The following TANK variants were observed in gnomAD, a reference collection of about 807,000 sequenced individuals.
TANK encodes the protein TRAF family member-associated NF-kappa-B activator.
In TANK, 15 loss-of-function variants were observed where a neutral mutation model predicts 43.6. The ratio of observed to expected loss-of-function variants is 0.34; its 90% CI spans 0.23 to 0.53. TANK has a LOEUF of 0.53. Among genes scored for constraint, TANK ranks in the 20% least tolerant of loss-of-function variants. The pLI, the probability that TANK is intolerant of heterozygous loss-of-function variation, is 0.94. For synonymous variants in TANK, 162 were observed against 178.2 expected, an observed-to-expected ratio of 0.91 and a Z score of 0.73; for missense variants, 417 against 498.6, an observed-to-expected ratio of 0.84 and a Z score of 1.56.
chr2:161,216,545 A>G (rs1286166487), intron 4 of TANK: 1 of 297,682 alleles, frequency 3.4e-6, no homozygotes, highest in Non-Finnish European at 6.7e-6. Context: ...CATGAAGAAT[A>G]TACTAGGTCT....
In TANK at chr2:161,160,544, A is replaced by C; in HGVS notation, c.-50+58A>C. 4.0e-6 allele frequency: 5 copies of C among 1,236,466 alleles called. No individual in the cohort carries two copies. The South Asian group carries it at 1.3e-4, about 33-fold the overall frequency. The allele number at this position is 1,236,466 out of a possible 1,614,324, so 76.6% of individuals were successfully genotyped here. A position where few individuals can be genotyped will look rare whatever the true frequency, so the allele number is the denominator to read the frequency against. ...GAATCCGTCAAGCACGACGTCGGAG[A>C]ATTTGTATGCGTGAGCGAGAGGGAC... On this transcript the variant is annotated intron_variant, in intron 1 of 7. Transcript: ENST00000392749.
intron 1 of TANK, chr2:161,160,852 C>T (rs1196216839): frequency 1.9e-6 from 1 of 513,680 alleles, no homozygotes. Context: ...GGAACATTCC[C>T]GACTTCCCTT....
chr2:161,163,490 C>CT (rs1558966871), intron 1 of TANK: 1 of 152,128 alleles, frequency 6.6e-6, no homozygotes, highest in Non-Finnish European at 1.5e-5. Flanking sequence ...TCTTGCTATT[C>CT]TTTCTCTTCT....
In TANK at chr2:161,202,073, A is replaced by G. The variant is rs569031108; in HGVS notation, c.100-1414A>G. Among the ~76,000 whole-genome samples the G allele has an allele frequency of 1.4e-4, 22 of 152,192 alleles. No homozygotes were observed. The East Asian group carries it at 2.5e-3, about 17-fold the overall frequency. On this transcript the variant is annotated intron_variant, in intron 2 of 7. Transcript: ENST00000392749. ...TGCCTTTAGGCAATGTGCAAAGACA[A>G]TGTACCACATGGGTTGCTTATCAGC...
intron 1 of TANK, among the ~76,000 whole-genome samples, chr2:161,144,062 T>C (rs1427582459): frequency 2.0e-5 from 3 of 152,172 alleles, no homozygotes; most frequent in Non-Finnish European, 2.9e-5. Context: ...GTCCAGGAAT[T>C]TAACCATTTC....
intron 1 of TANK, among the ~76,000 whole-genome samples, chr2:161,178,383 C>T (rs1207056318): frequency 6.6e-6 from 1 of 151,712 alleles, no homozygotes; most frequent in African/African-American, 2.4e-5. Flanking sequence ...AAATATCTTT[C>T]TGAAAGAAGC....
chr2:161,162,094 A>G (rs1328139554), intron 1 of TANK, among the ~76,000 whole-genome samples: 1 of 152,088 alleles, frequency 6.6e-6, no homozygotes, highest in Non-Finnish European at 1.5e-5. Flanking sequence ...TGTTGAAATC[A>G]TTTCTCTCCC....
At chr2:161,221,986 C>T (rs1235641372) in intron 4 of TANK, among the ~76,000 whole-genome samples, 2 of 152,154 alleles carry the variant, frequency 1.3e-5, no homozygotes, top group Non-Finnish European at 2.9e-5. Flanking sequence ...GATAAATTCA[C>T]CCACACTAGT....
chr2:161,139,353 T>G (rs1385707043), intron 1 of TANK, among the ~76,000 whole-genome samples: 1 of 152,216 alleles, frequency 6.6e-6, no homozygotes, highest in Non-Finnish European at 1.5e-5. Flanking sequence ...GCCAAGTACC[T>G]TGTTTACTAG....
intron 6 of TANK, among the ~76,000 whole-genome samples, chr2:161,227,359 T>C (rs1687684007): frequency 6.6e-6 from 1 of 152,182 alleles, no homozygotes; most frequent in Non-Finnish European, 1.5e-5. Context: ...TTCTGTCAAT[T>C]TGGGGACTTC....
At position 161,235,537 on chromosome 2, in the gene TANK, C is replaced by A; in HGVS notation, c.*19C>A. The stretch of plus-strand genomic sequence containing the variant: ...GACTTAAGACACATTTGAAAACAGA[C>A]ATATCAAGTTCTATGTGATGATTTT... On this transcript the variant is annotated 3_prime_UTR_variant, in exon 8 of 8. Transcript: ENST00000392749. The A allele has an allele frequency of 6.3e-7, 1 of 1,597,084 alleles. No individual in the cohort carries two copies. Among genetic ancestry groups the A allele is most frequent in the Non-Finnish European group, 8.5e-7 (1 of 1,171,186 alleles).
Position 161,235,664 on chromosome 2 carries a change from T to C in TANK, c.*146T>C. 1 of 586,568 alleles carries C rather than the reference T, an allele frequency of 1.7e-6. No homozygotes were observed. The highest frequency in any genetic ancestry group is 2.7e-6 in the Non-Finnish European group (1 of 367,064). The allele number at this position is 586,568 out of a possible 1,614,324, so 36.3% of individuals were successfully genotyped here. ...TTTGAATTTTTTTCTGGATTTACTA[T>C]ATAACTCTTATTTTTTAAAAGATCA... On this transcript the variant is annotated 3_prime_UTR_variant, in exon 8 of 8. Coordinates refer to ENST00000392749, the MANE Select transcript of TANK (RefSeq NM_001199135.3).
rs183656515 is a variant in TANK, at chr2:161,216,254, G to T, written c.328-7661G>T. 3.2e-5 allele frequency: 9 copies of T among 277,410 alleles called. 1 individual carries two copies. Among genetic ancestry groups the T allele is most frequent in the Middle Eastern group, 4.2e-4 (1 of 2,380 alleles). 17.2% of individuals were successfully genotyped at this position (277,410 alleles called of 1,614,324 possible). ...ATTATAGGGAGCCACTGACTTGTCT[G>T]TATTCTCTAGAAGTTACATCTGGAC... On this transcript the variant is annotated intron_variant, in intron 4 of 7. Coordinates refer to ENST00000392749, the MANE Select transcript of TANK (RefSeq NM_001199135.3).
chr2:161,211,711 A>T, intron 4 of TANK: 1 of 972,438 alleles, frequency 1.0e-6, no homozygotes, highest in Non-Finnish European at 1.2e-6. Context: ...TTTAATGTTT[A>T]ATCTTTTCTA....
upstream of TANK, among the ~76,000 whole-genome samples, chr2:161,159,482 G>T (rs10208868): frequency 0.053 from 8,120 of 152,154 alleles, 687 homozygotes; most frequent in African/African-American, 0.18. Context: ...TGGTCAAAAC[G>T]TTATATATAA....
chr2:161,232,844 C>T, intron 7 of TANK: 2 of 1,549,838 alleles, frequency 1.3e-6, no homozygotes. Flanking sequence ...AAGTATTCAG[C>T]TTAAAAAATT....
At chr2:161,201,084 A>G (rs947753138) in intron 2 of TANK, 1 of 983,944 alleles carries the variant, frequency 1.0e-6, no homozygotes, top group Non-Finnish European at 1.2e-6. Flanking sequence ...AAATACAAGT[A>G]TGTGAAAAGT....
chr2:161,197,659 AT>A (rs1287483389), intron 2 of TANK: 1 of 154,378 alleles, frequency 6.5e-6, no homozygotes, highest in Non-Finnish European at 1.4e-5. Flanking sequence ...TCATTGCTGC[AT>A]CATCTAGTGG....
intron 1 of TANK, among the ~76,000 whole-genome samples, chr2:161,167,324 C>T (rs1684728602): frequency 6.6e-6 from 1 of 152,134 alleles, no homozygotes; most frequent in African/African-American, 2.4e-5. Flanking sequence ...AGAGGTGGAA[C>T]ATGATTTGGC....
Sources: gnomAD v4.1 joint callset for allele counts (sites outside exome capture counted in the v4.1 genomes callset) on GRCh38, gnomAD v4.1.1 for gene constraint, MANE v1.5 for transcripts, NCBI Gene and HGNC (gene_info 2026-07-23, HGNC 2026-07-21) for gene names.